TRPM3: variants seen among roughly 807,000 people sequenced by gnomAD.
TRPM3 encodes the protein transient receptor potential cation channel subfamily M member 3, also known as long transient receptor potential channel 3.
A neutral mutation model predicts 181.2 loss-of-function variants in TRPM3; 77 were observed. The observed-to-expected ratio is 0.42, with a 90% CI of 0.35 to 0.51. TRPM3 has a LOEUF of 0.51. TRPM3 is among the 20% of genes least tolerant of loss of function. TRPM3 has a pLI of 0.01. For missense variants in TRPM3, 1,759 were observed against 2,196.7 expected (o/e 0.80, Z 3.98); for synonymous variants, 745 against 796.4 (o/e 0.94, Z 1.09).
intron 5 of TRPM3, among the ~76,000 whole-genome samples, chr9:70,834,318 C>T (rs1190429326): frequency 1.3e-5 from 2 of 152,192 alleles, no homozygotes; most frequent in East Asian, 3.9e-4. Context: ...TCATTTCATG[C>T]TTTCCACACA....
intron 9 of TRPM3, among the ~76,000 whole-genome samples, chr9:70,679,936 C>T (rs1039255647): frequency 2.0e-5 from 3 of 152,074 alleles, no homozygotes; most frequent in Non-Finnish European, 4.4e-5. Flanking sequence ...ATGCCTGGTC[C>T]CTGGTCCCGT....
intron 1 of TRPM3, among the ~76,000 whole-genome samples, chr9:71,026,592 C>T (rs918871410): frequency 3.9e-5 from 6 of 152,118 alleles, no homozygotes; most frequent in East Asian, 1.9e-4. Context: ...CACTGCTGGG[C>T]GTAAATGAAC....
intron 1 of TRPM3, among the ~76,000 whole-genome samples, chr9:71,285,526 C>A (rs916133058): frequency 6.6e-6 from 1 of 152,092 alleles, no homozygotes; most frequent in Non-Finnish European, 1.5e-5. Flanking sequence ...CCGAGGCTGC[C>A]GATCCGTTCA....
At chr9:71,195,375 C>G (rs189177304) in intron 1 of TRPM3, among the ~76,000 whole-genome samples, 12 of 151,972 alleles carry the variant, frequency 7.9e-5, no homozygotes, top group Middle Eastern at 3.4e-3. Context: ...ATGCGGCCAA[C>G]AAGTATATGA....
At chr9:71,129,462 T>A (rs1002498681) in intron 1 of TRPM3, among the ~76,000 whole-genome samples, 3 of 152,190 alleles carry the variant, frequency 2.0e-5, no homozygotes, top group African/African-American at 7.2e-5. Flanking sequence ...AAGCACTTAC[T>A]ACGTGCTAAA....
At chr9:71,042,886 G>T (rs578119226) in intron 1 of TRPM3, among the ~76,000 whole-genome samples, 184 of 152,258 alleles carry the variant, frequency 1.2e-3, no homozygotes, top group Non-Finnish European at 1.9e-3. Context: ...AAAGCACCAT[G>T]GTGTGTTAAA....
rs141611296 is a variant in TRPM3 at position 70,686,612 on chromosome 9, C to T, written c.1273-5034G>A. Among the ~76,000 whole-genome samples, 283 of 102,060 alleles carry T rather than the reference C, an allele frequency of 2.8e-3. 18 individuals carry two copies. The highest frequency in any genetic ancestry group is 8.1e-3 in the African/African-American group (197 of 24,424). 67.0% of individuals were successfully genotyped at this position (102,060 alleles called of 152,430 possible). On this transcript the variant is annotated intron_variant, in intron 8 of 25. Transcript: ENST00000677713. ...TCCCTCCCTCCCTCCCTCCCTCCCGCCCTTCCTGGAAACTCCTTCCTCCCT... is the reference window on the plus strand; with the variant it reads ...TCCCTCCCTCCCTCCCTCCCTCCCGTCCTTCCTGGAAACTCCTTCCTCCCT...
intron 5 of TRPM3, among the ~76,000 whole-genome samples, chr9:70,834,860 A>G (rs1163548553): frequency 6.6e-6 from 1 of 152,158 alleles, no homozygotes; most frequent in Non-Finnish European, 1.5e-5. Flanking sequence ...CTGTGAGATC[A>G]TCAATATTTG....
intron 5 of TRPM3, among the ~76,000 whole-genome samples, chr9:70,834,671 T>G (rs1295585194): frequency 6.6e-6 from 1 of 152,158 alleles, no homozygotes; most frequent in Non-Finnish European, 1.5e-5. Context: ...GAAGCAGCCG[T>G]GTAGAGAGGT....
At chr9:71,313,218 T>C (rs1028993245) in intron 1 of TRPM3, among the ~76,000 whole-genome samples, 1 of 152,200 alleles carries the variant, frequency 6.6e-6, no homozygotes, top group African/African-American at 2.4e-5. Context: ...CCTAATCTGC[T>C]GTTTAAAAAG....
intron 1 of TRPM3, among the ~76,000 whole-genome samples, chr9:71,059,011 ATTTTTTTTTTTTTTTTTTT>A (rs1162577364): frequency 3.8e-5 from 2 of 52,638 alleles, no homozygotes; most frequent in African/African-American, 1.5e-4. Context: ...TTGTTTGTTC[ATTTTTTTTTTTTTTTTTTT>A]TTTTTTTTTT....
chr9:71,293,386 A>C (rs913622543), intron 1 of TRPM3, among the ~76,000 whole-genome samples: 1 of 151,898 alleles, frequency 6.6e-6, no homozygotes, highest in African/African-American at 2.4e-5. Flanking sequence ...TAGAAAACTT[A>C]AGCATTTCCA....
At chr9:71,200,743 CTTTTA>C (rs1490135412) in intron 1 of TRPM3, among the ~76,000 whole-genome samples, 9 of 152,158 alleles carry the variant, frequency 5.9e-5, no homozygotes, top group Admixed American at 2.6e-4. Context: ...TTCCTCCATC[CTTTTA>C]TTTTGAGTCT....
chr9:71,282,280 GAAAA>G (rs2084854416), intron 1 of TRPM3, among the ~76,000 whole-genome samples: 1 of 82,810 alleles, frequency 1.2e-5, no homozygotes, highest in Admixed American at 1.1e-4. Context: ...GAGAAAGAAA[GAAAA>G]GAAAGAAAGA....
chr9:71,148,809 T>G (rs2075574051), intron 1 of TRPM3, among the ~76,000 whole-genome samples: 1 of 152,168 alleles, frequency 6.6e-6, no homozygotes, highest in African/African-American at 2.4e-5. Context: ...CAGTGGCCAT[T>G]GAAGCCATCT....
chr9:70,907,681 T>G (rs534614102), intron 1 of TRPM3, among the ~76,000 whole-genome samples: 31 of 152,272 alleles, frequency 2.0e-4, no homozygotes, highest in African/African-American at 7.2e-4. Context: ...CAATAGGTAG[T>G]TTTCCAACCC....
chr9:70,830,137 T>C (rs548424638), intron 5 of TRPM3, among the ~76,000 whole-genome samples: 1 of 152,248 alleles, frequency 6.6e-6, no homozygotes, highest in Admixed American at 6.5e-5. Context: ...TTAAACTGTG[T>C]GTAATAGTGA....
At chr9:70,901,579 C>T (rs1051516853) in intron 1 of TRPM3, among the ~76,000 whole-genome samples, 39 of 151,190 alleles carry the variant, frequency 2.6e-4, no homozygotes, top group African/African-American at 9.5e-4. Context: ...TTTTTAATAT[C>T]CAGAAATAAA....
intron 1 of TRPM3, among the ~76,000 whole-genome samples, chr9:71,343,955 T>C (rs942293191): frequency 2.0e-5 from 3 of 152,062 alleles, no homozygotes; most frequent in African/African-American, 7.2e-5. Context: ...AATTTGAGTA[T>C]CAAAATAAAT....
Sources: gnomAD v4.1 joint callset for allele counts (sites outside exome capture counted in the v4.1 genomes callset) on GRCh38, gnomAD v4.1.1 for gene constraint, MANE v1.5 for transcripts, NCBI Gene and HGNC (gene_info 2026-07-23, HGNC 2026-07-21) for gene names.